Variants in ANKRD6 observed in about 807,000 individuals in gnomAD.
The protein encoded by ANKRD6 is ankyrin repeat domain 6, also known as ankyrin repeat domain-containing protein 6.
Under a neutral mutation model 82.3 loss-of-function variants are expected in ANKRD6, and 56 were observed. The ratio of observed to expected loss-of-function variants is 0.68; its 90% CI spans 0.55 to 0.85. The LOEUF (loss-of-function observed/expected upper bound fraction) is 0.85. Among genes scored for constraint, ANKRD6 ranks in the 40% least tolerant of loss-of-function variants. The probability of loss-of-function intolerance (pLI) is 0.00; values close to 1 mark genes in which losing one functional copy is unlikely to be tolerated. For missense variants in ANKRD6, 852 were observed against 907.6 expected, an observed-to-expected ratio of 0.94 and a Z score of 0.79; for synonymous variants, 347 against 352.1, an observed-to-expected ratio of 0.99 and a Z score of 0.16.
rs189493829 is a variant in ANKRD6, at chr6:89,612,359, C to T, written c.505C>T (p.Leu169Phe). 4.7e-4 allele frequency: 735 copies of T among 1,555,862 alleles called. No individual in the cohort carries two copies. Among genetic ancestry groups the T allele is most frequent in the Middle Eastern group, 1.2e-3 (7 of 5,992 alleles). ...CCTGCTGGCCGGGTCCCGCGCTGACCTCAAAAATAATGTGGGTGAACAAAA... is the reference window on the plus strand; with the variant it reads ...CCTGCTGGCCGGGTCCCGCGCTGACTTCAAAAATAATGTGGGTGAACAAAA... ...VLLLAGSRADLKNNAGDTCLH... is the reference protein window; with the variant it reads ...VLLLAGSRADFKNNAGDTCLH... Residue 169 changes from leucine (L) to phenylalanine (F), a missense_variant, in exon 6 of 16, where the codon CTC becomes TTC. Coordinates refer to ENST00000339746, the MANE Select transcript of ANKRD6 (RefSeq NM_001242809.2).
At chr6:89,546,723 A>T (rs2128020535) in intron 1 of ANKRD6, among the ~76,000 whole-genome samples, 1 of 152,284 alleles carries the variant, frequency 6.6e-6, no homozygotes, top group African/African-American at 2.4e-5. Flanking sequence ...TTGACCTCCC[A>T]AAGTGCTGGG....
At chr6:89,501,524 G>A (rs532669029) in intron 1 of ANKRD6, among the ~76,000 whole-genome samples, 5 of 152,342 alleles carry the variant, frequency 3.3e-5, no homozygotes, top group Non-Finnish European at 5.9e-5. Context: ...CCACGAGAAT[G>A]CTAGGCTTAT....
At chr6:89,514,283 C>T (rs558271181) in intron 1 of ANKRD6, among the ~76,000 whole-genome samples, 11 of 152,234 alleles carry the variant, frequency 7.2e-5, no homozygotes, top group African/African-American at 2.4e-4. Context: ...GAGGCTGAGG[C>T]AGGAGAATCG....
intron 2 of ANKRD6, among the ~76,000 whole-genome samples, chr6:89,585,429 A>C (rs1213730722): frequency 6.6e-6 from 1 of 152,250 alleles, no homozygotes; most frequent in African/African-American, 2.4e-5. Flanking sequence ...CTTGTGCAAC[A>C]TTATGAATAT....
intron 1 of ANKRD6, among the ~76,000 whole-genome samples, chr6:89,437,905 T>G (rs1770851902): frequency 6.6e-6 from 1 of 152,128 alleles, no homozygotes; most frequent in African/African-American, 2.4e-5. Flanking sequence ...AGCCATCCTC[T>G]CACCTCAGCC....
intron 1 of ANKRD6, among the ~76,000 whole-genome samples, chr6:89,449,047 A>AG: frequency 6.6e-6 from 1 of 152,146 alleles, no homozygotes; most frequent in African/African-American, 2.4e-5. Context: ...AAAAAAAAAA[A>AG]AAAAGAAATA....
chr6:89,630,665 C>T lies in ANKRD6; in HGVS notation c.1845C>T (p.Asn615=), dbSNP rs746559012. Residue 615 remains asparagine, a synonymous_variant, in exon 16 of 16, where the codon AAC becomes AAT. Coordinates refer to ENST00000339746, the MANE Select transcript of ANKRD6 (RefSeq NM_001242809.2). ...ATCAGCAGGCTGGGCCCTGCGTCAA[C>T]AGAGGCACTCAAACTAAGAAGTCTG... ...RSDQQAGPCV[N]RGTQTKKSGK... 6.2e-7 allele frequency: 1 copy of T among 1,613,992 alleles called. No individual in the cohort carries two copies.
intron 2 of ANKRD6, among the ~76,000 whole-genome samples, chr6:89,574,344 C>T (rs944398618): frequency 1.3e-5 from 2 of 152,174 alleles, no homozygotes; most frequent in Non-Finnish European, 2.9e-5. Flanking sequence ...CACTGACAGA[C>T]ATCCCCTGAG....
Position 89,628,955 on chromosome 6 carries a change from T to C in ANKRD6, c.1486-157T>C. ...TTGGAGGGGTCAAATATCCAAACCA[T>C]AGCAGTGGGCAAGCCATAACTTTTG... On this transcript the variant is annotated intron_variant, in intron 14 of 15. Coordinates refer to ENST00000339746, the MANE Select transcript of ANKRD6 (RefSeq NM_001242809.2). 5.3e-6 allele frequency: 4 copies of C among 752,260 alleles called. 1 individual carries two copies. The highest frequency in any genetic ancestry group is 8.3e-6 in the Non-Finnish European group (4 of 483,030). The allele number at this position is 752,260 out of a possible 1,614,324, so 46.6% of individuals were successfully genotyped here. A position where few individuals can be genotyped will look rare whatever the true frequency, so the allele number is the denominator to read the frequency against.
Position 89,630,904 on chromosome 6 carries a change from A to G in ANKRD6, c.2084A>G (p.Asn695Ser). ...ATTGAAGAAGCACGAAGCCAAGCCAATCAGAAAGCCCAGCAAGATAAGGCT... is the reference window on the plus strand; with the variant it reads ...ATTGAAGAAGCACGAAGCCAAGCCAGTCAGAAAGCCCAGCAAGATAAGGCT... Reference protein sequence around the residue: ...RKIEEARSQANQKAQQDKATL... With the variant: ...RKIEEARSQASQKAQQDKATL... Residue 695 changes from asparagine (N) to serine (S), a missense_variant, in exon 16 of 16, where the codon AAT becomes AGT. By Grantham distance (46) the Asn-to-Ser change is conservative. Coordinates refer to ENST00000339746, the MANE Select transcript of ANKRD6 (RefSeq NM_001242809.2). 4 of 1,613,054 alleles carry G rather than the reference A, an allele frequency of 2.5e-6. No individual in the cohort carries two copies. Among genetic ancestry groups the G allele is most frequent in the South Asian group, 2.2e-5 (2 of 90,922 alleles).
intron 1 of ANKRD6, among the ~76,000 whole-genome samples, chr6:89,479,122 A>G (rs1403676351): frequency 6.6e-6 from 1 of 152,198 alleles, no homozygotes; most frequent in African/African-American, 2.4e-5. Context: ...CTAGATTGGC[A>G]TGTGCATAAA....
intron 1 of ANKRD6, among the ~76,000 whole-genome samples, chr6:89,489,091 G>A (rs1777720549): frequency 6.6e-6 from 1 of 152,096 alleles, no homozygotes; most frequent in Non-Finnish European, 1.5e-5. Context: ...TCTTGGTACC[G>A]GGTCCAAGGC....
intron 1 of ANKRD6, among the ~76,000 whole-genome samples, chr6:89,510,797 G>A (rs533814068): frequency 9.2e-5 from 14 of 152,106 alleles, no homozygotes; most frequent in South Asian, 6.2e-4. Context: ...TGTAAGTTCT[G>A]TGAAGGATCT....
At chr6:89,465,351 C>T (rs1051982671) in intron 1 of ANKRD6, among the ~76,000 whole-genome samples, 9 of 151,900 alleles carry the variant, frequency 5.9e-5, no homozygotes, top group African/African-American at 2.2e-4. Context: ...GAACTCCTGA[C>T]CTCAAGTGAT....
rs370322590 is a variant in ANKRD6 at position 89,567,030 on chromosome 6, G to C, written c.54G>C (p.Ala18=). ...AALSERLLVA[A]YKGQTENVVQ... ...TTTCAGAGCGCCTTCTCGTAGCTGC[G>C]TACAAAGGCCAAACAGAGAATGTGG... The change falls in exon 2 of 16, where the codon GCG becomes GCC. Residue 18 remains alanine (A), a synonymous_variant. Coordinates refer to ENST00000339746, the MANE Select transcript of ANKRD6 (RefSeq NM_001242809.2). The C allele has an allele frequency of 6.2e-7, 1 of 1,607,234 alleles. No individual in the cohort carries two copies. The highest frequency in any genetic ancestry group is 8.5e-7 in the Non-Finnish European group (1 of 1,176,802).
At chr6:89,533,315 A>C (rs910143370) in intron 1 of ANKRD6, among the ~76,000 whole-genome samples, 3 of 152,214 alleles carry the variant, frequency 2.0e-5, no homozygotes, top group African/African-American at 7.2e-5. Flanking sequence ...GGACTTGTCC[A>C]AGGTCATGTA....
At chr6:89,596,074 A>AT (rs1795824203) in intron 3 of ANKRD6, 60 bp downstream of exon 3, 1 of 1,419,658 alleles carries the variant, frequency 7.0e-7, no homozygotes, top group Admixed American at 1.9e-5. Context: ...CTGGCTAGAA[A>AT]TCCACAAAGT....
intron 1 of ANKRD6, among the ~76,000 whole-genome samples, chr6:89,545,153 C>T (rs547214572): frequency 6.9e-6 from 1 of 144,734 alleles, no homozygotes; most frequent in East Asian, 2.0e-4. Context: ...GCGGAGCTTG[C>T]AGTGAGCCGA....
In ANKRD6 at chr6:89,548,404, A is replaced by C. The variant is rs112636758; in HGVS notation, c.-143-18430A>C. Among the ~76,000 whole-genome samples, 1,265 of 152,314 alleles carry C rather than the reference A, an allele frequency of 8.3e-3. 24 individuals carry two copies. Among genetic ancestry groups the C allele is most frequent in the African/African-American group, 0.029 (1,221 of 41,552 alleles). Reference sequence around the variant, plus strand: ...GCTGAATAATATTCATGGTGTGGCTATACTACATTTTGTTTATCAGTTCAC... The same window carrying C: ...GCTGAATAATATTCATGGTGTGGCTCTACTACATTTTGTTTATCAGTTCAC... On this transcript the variant is annotated intron_variant, in intron 1 of 15. Transcript: ENST00000339746.
Sources: allele counts gnomAD v4.1 joint callset (sites outside exome capture counted in the v4.1 genomes callset), GRCh38; gene constraint gnomAD v4.1.1; transcripts MANE v1.5; gene names NCBI Gene and HGNC (gene_info 2026-07-23, HGNC 2026-07-21).